GLYATL1B: variants seen among roughly 807,000 people sequenced by gnomAD.
The protein encoded by GLYATL1B is putative glycine N-acyltransferase-like protein 1B.
GLYATL1B carries 6 observed loss-of-function variants against 5.5 expected under a neutral mutation model. The ratio of observed to expected loss-of-function variants is 1.09; its 90% CI spans 0.60 to 2.15. GLYATL1B has a LOEUF of 2.15. Ranked by LOEUF, GLYATL1B falls within the 30% of genes most tolerant of loss-of-function variation. The pLI, the probability that GLYATL1B is intolerant of heterozygous loss-of-function variation, is 0.00. For synonymous variants in GLYATL1B, 67 were observed against 34.9 expected, an observed-to-expected ratio of 1.92 and a Z score of -3.24; for missense variants, 135 against 94.1, an observed-to-expected ratio of 1.43 and a Z score of -1.80.
At chr11:59,089,622 T>C (rs532996820) in intron 2 of GLYATL1B, among the ~76,000 whole-genome samples, 2 of 152,288 alleles carry the variant, frequency 1.3e-5, no homozygotes, top group Admixed American at 1.3e-4. Context: ...CATATGATTA[T>C]CAGTCATTTT....
intron 2 of GLYATL1B, among the ~76,000 whole-genome samples, chr11:59,088,672 C>A (rs141005356): frequency 0.023 from 3,457 of 152,266 alleles, 124 homozygotes; most frequent in African/African-American, 0.079. Flanking sequence ...GCTGTAACTT[C>A]ATATATGCAT....
chr11:59,088,762 T>C (rs1013248539), intron 2 of GLYATL1B, among the ~76,000 whole-genome samples: 2 of 152,122 alleles, frequency 1.3e-5, no homozygotes, highest in Admixed American at 6.6e-5. Context: ...GCCACACATA[T>C]ATGACCAAAA....
intron 2 of GLYATL1B, among the ~76,000 whole-genome samples, chr11:59,087,584 T>C (rs531089963): frequency 4.1e-4 from 62 of 152,238 alleles, no homozygotes; most frequent in Non-Finnish European, 7.5e-4. Context: ...ATGTCTTTTA[T>C]CTGTAATCCC....
intron 2 of GLYATL1B, among the ~76,000 whole-genome samples, chr11:59,089,213 G>A (rs952892424): frequency 1.1e-4 from 16 of 152,178 alleles, no homozygotes; most frequent in Admixed American, 2.0e-4. Context: ...TAACTGTGGC[G>A]TTCCATAGAG....
At position 59,087,152 on chromosome 11, in the gene GLYATL1B, T is replaced by C; in HGVS notation, c.167T>C (p.Ile56Thr). Residue 56 changes from isoleucine to threonine, a missense_variant, in exon 2 of 5, where the codon ATT becomes ACT. Transcript: ENST00000527482. ...TCCTGGCCCGAGTATCAGATGGTTA[T>C]TATCCGACCTCAAAAACAGGTAGGC... ...VDSWPEYQMV[I>T]IRPQKQEMTD... The C allele has an allele frequency of 1.6e-6, 1 of 632,778 alleles. No homozygotes were observed. Among genetic ancestry groups the C allele is most frequent in the Admixed American group, 2.1e-5 (1 of 47,224 alleles). 39.2% of individuals were successfully genotyped at this position (632,778 alleles called of 1,614,324 possible).
intron 1 of GLYATL1B, 92 bp downstream of exon 1, chr11:59,086,476 T>C (rs1360957818): frequency 5.8e-5 from 23 of 395,724 alleles, no homozygotes; most frequent in African/African-American, 4.6e-4. Context: ...CCTGACTTTG[T>C]GCAGAGGGTT....
Position 59,092,087 on chromosome 11 carries a change from T to C in GLYATL1B, c.187-1442T>C, listed in dbSNP as rs147847584. Among the ~76,000 whole-genome samples, 765 of 152,272 alleles carry C rather than the reference T, an allele frequency of 5.0e-3. 7 individuals carry two copies. The highest frequency in any genetic ancestry group is 0.018 in the African/African-American group (734 of 41,584). On this transcript the variant is annotated intron_variant, in intron 2 of 4. Transcript: ENST00000527482. ...TTCTTTATCAGTGAATATGTTGCCT[T>C]GGAGTAGTATATAATCTTCTATTAT...
chr11:59,087,591 T>C (rs2135381259), intron 2 of GLYATL1B, among the ~76,000 whole-genome samples: 1 of 152,270 alleles, frequency 6.6e-6, no homozygotes, highest in South Asian at 2.1e-4. Flanking sequence ...TTATCTGTAA[T>C]CCCAGCACTT....
chr11:59,094,294 C>T lies in GLYATL1B; in HGVS notation c.492-75C>T, dbSNP rs1477022307. The T allele has an allele frequency of 8.2e-6, 4 of 486,602 alleles. No homozygotes were observed. In the South Asian group the frequency reaches 2.0e-4, roughly 25 times the overall value. The allele number at this position is 486,602 out of a possible 1,614,324, so 30.1% of individuals were successfully genotyped here. On this transcript the variant is annotated intron_variant, in intron 4 of 4. Transcript: ENST00000527482. Reference sequence around the variant, plus strand: ...TTTTAACAAGAAGAGGGCCTGGGATCTCTAGAATGGAAGGGCACCTAGAAA... The same window carrying T: ...TTTTAACAAGAAGAGGGCCTGGGATTTCTAGAATGGAAGGGCACCTAGAAA...
chr11:59,091,301 T>C (rs1859304400), intron 2 of GLYATL1B, among the ~76,000 whole-genome samples: 1 of 152,180 alleles, frequency 6.6e-6, no homozygotes, highest in African/African-American at 2.4e-5. Context: ...TTATGTAGAA[T>C]TGAAATGTAA....
chr11:59,094,492 G>T lies in GLYATL1B; in HGVS notation c.615G>T (p.Leu205=). The part of the protein sequence containing the change: ...LRYIKRCLGA[L]PAACMLGPEG... ...ACATCAAGCGCTGCCTAGGAGCCCT[G>T]CCAGCAGCCTGTATGCTGGGCCCAG... is the stretch of plus-strand genomic sequence containing the variant. Residue 205 remains leucine (L), a synonymous_variant, in exon 5 of 5, where the codon CTG becomes CTT. Coordinates refer to ENST00000527482, the MANE Select transcript of GLYATL1B (RefSeq NM_001355566.1). 2.5e-6 allele frequency: 2 copies of T among 794,716 alleles called. No homozygotes were observed. Among genetic ancestry groups the T allele is most frequent in the South Asian group, 1.6e-5 (1 of 62,214 alleles). The allele number at this position is 794,716 out of a possible 1,614,324, so 49.2% of individuals were successfully genotyped here.
intron 2 of GLYATL1B, among the ~76,000 whole-genome samples, chr11:59,088,747 TCCA>T (rs1306020664): frequency 6.6e-6 from 1 of 152,140 alleles, no homozygotes; most frequent in Non-Finnish European, 1.5e-5. Flanking sequence ...ATATAAAAGT[TCCA>T]TGCCACACAT....
chr11:59,093,194 A>C (rs1259441090), intron 2 of GLYATL1B, among the ~76,000 whole-genome samples: 1 of 152,206 alleles, frequency 6.6e-6, no homozygotes. Flanking sequence ...ATATAAAATA[A>C]GGTAAGTGTG....
At chr11:59,090,603 T>C (rs1257235717) in intron 2 of GLYATL1B, among the ~76,000 whole-genome samples, 4 of 152,026 alleles carry the variant, frequency 2.6e-5, no homozygotes, top group African/African-American at 9.6e-5. Flanking sequence ...TTGCTTTCTA[T>C]TTATATTCTT....
rs1184881085 is a variant in GLYATL1B, at chr11:59,094,500, C to T, written c.623C>T (p.Ala208Val). ...IKRCLGALPA[A>V]CMLGPEGVPV... ...CGCTGCCTAGGAGCCCTGCCAGCAG[C>T]CTGTATGCTGGGCCCAGAGGGGGTC... Residue 208 changes from alanine to valine, a missense_variant, in exon 5 of 5, where the codon GCC becomes GTC. By Grantham distance (64) the Ala-to-Val change is moderately conservative. Transcript: ENST00000527482. 51 of 803,608 alleles carry T rather than the reference C, an allele frequency of 6.3e-5. No individual in the cohort carries two copies. The highest frequency in any genetic ancestry group is 4.1e-4 in the East Asian group (16 of 38,668). The allele number at this position is 803,608 out of a possible 1,614,324, so 49.8% of individuals were successfully genotyped here. A position where few individuals can be genotyped will look rare whatever the true frequency, so the allele number is the denominator to read the frequency against.
rs533919790 is a variant in GLYATL1B at position 59,094,369 on chromosome 11, C to G, written c.492C>G (p.Ser164Arg). The change falls in exon 5 of 5, where the codon AGC becomes AGG. Residue 164 changes from serine (S) to arginine (R), a missense_variant and splice_region_variant. Coordinates refer to ENST00000527482, the MANE Select transcript of GLYATL1B (RefSeq NM_001355566.1). ...ETGHPDDELE[S>R]ETPNFKYAQL... ...TTGTCTTTCTTTTTGTTTTCTACAG[C>G]GAGACTCCGAACTTTAAGTATGCCC... The G allele has an allele frequency of 1.3e-5, 7 of 526,216 alleles. No homozygotes were observed. Among genetic ancestry groups the G allele is most frequent in the Non-Finnish European group, 2.4e-5 (7 of 290,672 alleles). 32.6% of individuals were successfully genotyped at this position (526,216 alleles called of 1,614,324 possible). A position where few individuals can be genotyped will look rare whatever the true frequency, so the allele number is the denominator to read the frequency against.
intron 2 of GLYATL1B, among the ~76,000 whole-genome samples, chr11:59,090,006 T>A (rs1167406275): frequency 6.6e-6 from 1 of 152,120 alleles, no homozygotes; most frequent in Non-Finnish European, 1.5e-5. Flanking sequence ...TATTTTTGAA[T>A]AGCATGAATT....
At chr11:59,089,204 A>T (rs1859256402) in intron 2 of GLYATL1B, among the ~76,000 whole-genome samples, 2 of 152,194 alleles carry the variant, frequency 1.3e-5, no homozygotes, top group South Asian at 4.1e-4. Flanking sequence ...TTGTTTTAAT[A>T]ACTGTGGCGT....
intron 2 of GLYATL1B, among the ~76,000 whole-genome samples, chr11:59,087,978 T>C (rs1198735129): frequency 6.6e-6 from 1 of 152,202 alleles, no homozygotes; most frequent in Non-Finnish European, 1.5e-5. Context: ...AGCTTTAATA[T>C]CTTTAATTTA....
Sources: allele counts gnomAD v4.1 joint callset (sites outside exome capture counted in the v4.1 genomes callset), GRCh38; gene constraint gnomAD v4.1.1; transcripts MANE v1.5; gene names NCBI Gene and HGNC (gene_info 2026-07-23, HGNC 2026-07-21).